The following CYP46A1 variants were observed in gnomAD, a reference collection of about 807,000 sequenced individuals.
The protein encoded by CYP46A1 is cholesterol 24-hydroxylase.
In CYP46A1, 20 loss-of-function variants were observed where a neutral mutation model predicts 63.3. The ratio of observed to expected loss-of-function variants is 0.32; its 90% CI spans 0.22 to 0.46. The LOEUF (loss-of-function observed/expected upper bound fraction) is 0.46. Among genes scored for constraint, CYP46A1 ranks in the 20% least tolerant of loss-of-function variants. The probability of loss-of-function intolerance (pLI) is 1.00; values close to 1 mark genes in which losing one functional copy is unlikely to be tolerated. For synonymous variants in CYP46A1, 268 were observed against 273.6 expected (o/e 0.98, Z 0.20); for missense variants, 445 against 670.8 (o/e 0.66, Z 3.72).
intron 12 of CYP46A1, among the ~76,000 whole-genome samples, chr14:99,724,321 G>A (rs1050849726): frequency 6.6e-6 from 1 of 152,114 alleles, no homozygotes; most frequent in East Asian, 1.9e-4. Flanking sequence ...CCTGCTCCCA[G>A]CCCCTCTCCT....
At chr14:99,695,293 T>C (rs1409481812) in intron 3 of CYP46A1, 4 of 206,206 alleles carry the variant, frequency 1.9e-5, no homozygotes, top group Non-Finnish European at 4.0e-5. Flanking sequence ...TTTAGAAATG[T>C]CGATTAGGTC....
intron 5 of CYP46A1, 88 bp downstream of exon 5, chr14:99,700,189 G>C: frequency 2.0e-6 from 2 of 1,022,366 alleles, no homozygotes; most frequent in Non-Finnish European, 2.8e-6. Flanking sequence ...GGAGGGAAGT[G>C]TCCACCCAAG....
Position 99,726,876 on chromosome 14 carries a change from T to A in CYP46A1, c.*149T>A. 1.6e-6 allele frequency: 1 copy of A among 606,192 alleles called. No individual in the cohort carries two copies. Among genetic ancestry groups the A allele is most frequent in the Non-Finnish European group, 2.7e-6 (1 of 373,586 alleles). The allele number at this position is 606,192 out of a possible 1,614,324, so 37.6% of individuals were successfully genotyped here. ...GCGGGCCCTCTGCCGACCGCCTGCT[T>A]CACACCCCTCAGCGCTCCCTGTCGC... On this transcript the variant is annotated 3_prime_UTR_variant, in exon 15 of 15. Coordinates refer to ENST00000261835, the MANE Select transcript of CYP46A1 (RefSeq NM_006668.2).
chr14:99,724,558 C>T (rs1486288608), intron 12 of CYP46A1, among the ~76,000 whole-genome samples: 2 of 152,248 alleles, frequency 1.3e-5, no homozygotes, highest in Non-Finnish European at 2.9e-5. Context: ...TGGGCTCCAA[C>T]CCCACCTCTG....
rs547198260 is a variant in CYP46A1 at position 99,721,231 on chromosome 14, C to T, written c.981-8C>T. The T allele has an allele frequency of 3.1e-6, 5 of 1,612,106 alleles. No individual in the cohort carries two copies. Among genetic ancestry groups the T allele is most frequent in the Non-Finnish European group, 4.2e-6 (5 of 1,178,240 alleles). Reference sequence around the variant, plus strand: ...TGGAGACGAACTTGTCTTTGTCTTACCCCACAGGCTGCAGGCCGAGGTGGA... The same window carrying T: ...TGGAGACGAACTTGTCTTTGTCTTATCCCACAGGCTGCAGGCCGAGGTGGA... On this transcript the variant is annotated splice_polypyrimidine_tract_variant and splice_region_variant and intron_variant, in intron 10 of 14. Coordinates refer to ENST00000261835, the MANE Select transcript of CYP46A1 (RefSeq NM_006668.2).
intron 8 of CYP46A1, 88 bp downstream of exon 8, chr14:99,716,048 T>G: frequency 6.2e-7 from 1 of 1,610,566 alleles, no homozygotes; most frequent in Non-Finnish European, 8.5e-7. Context: ...CTGTTTGGCT[T>G]AAGAGGAGAA....
chr14:99,714,994 G>T (rs2056775046), intron 7 of CYP46A1, among the ~76,000 whole-genome samples: 1 of 152,162 alleles, frequency 6.6e-6, no homozygotes, highest in Admixed American at 6.5e-5. Flanking sequence ...GTTACTAGAG[G>T]CTGGGAAGGA....
At chr14:99,715,748 G>A in intron 7 of CYP46A1, 62 bp from the exon 8 acceptor site, 1 of 1,606,274 alleles carries the variant, frequency 6.2e-7, no homozygotes, top group Non-Finnish European at 8.5e-7. Context: ...GGGGTGGTGG[G>A]GGAGAGGGGA....
Position 99,700,098 on chromosome 14 carries a change from G to A in CYP46A1, c.440G>A (p.Arg147Gln), listed in dbSNP as rs1224040095. 1.4e-5 allele frequency: 22 copies of A among 1,594,588 alleles called. No individual in the cohort carries two copies. The highest frequency in any genetic ancestry group is 3.3e-5 in the South Asian group (3 of 90,138). The change falls in exon 5 of 15, where the codon CGG becomes CAG. Residue 147 changes from arginine to glutamine, a missense_variant. Physicochemically the swap from Arg to Gln is conservative, Grantham distance 43 (BLOSUM62 1). Coordinates refer to ENST00000261835, the MANE Select transcript of CYP46A1 (RefSeq NM_006668.2). Reference sequence around the variant, plus strand: ...AGAGTCATAGACCTGGCCTTCAGCCGGAGGTGAGTGTGGCCGGAGGCTCCG... The same window carrying A: ...AGAGTCATAGACCTGGCCTTCAGCCAGAGGTGAGTGTGGCCGGAGGCTCCG... ...QRRVIDLAFSRSSLVSLMETF... is the reference protein window; with the variant it reads ...QRRVIDLAFSQSSLVSLMETF...
chr14:99,689,643 CAG>C (rs747395172), intron 1 of CYP46A1, among the ~76,000 whole-genome samples: 3 of 152,324 alleles, frequency 2.0e-5, no homozygotes, highest in East Asian at 3.9e-4. Flanking sequence ...GCCAAAAACA[CAG>C]AGTCATCCTC....
chr14:99,722,992 A>C lies in CYP46A1; in HGVS notation c.1176+926A>C, dbSNP rs1166269018. ...ACAAACGAACGCCACATTGTTTTCC[A>C]AAGTGGCTGCACCAACTTGGATGCC... is the stretch of plus-strand genomic sequence containing the variant. On this transcript the variant is annotated intron_variant, in intron 12 of 14. Transcript: ENST00000261835. This position sits in a 1 kb window ranked among gnomAD's most constrained non-coding sequence, Gnocchi z 4.6. The C allele has an allele frequency of 4.7e-6, 2 of 422,208 alleles. No homozygotes were observed. The highest frequency in any genetic ancestry group is 7.3e-5 in the East Asian group (1 of 13,720). 26.2% of individuals were successfully genotyped at this position (422,208 alleles called of 1,614,324 possible).
chr14:99,715,052 T>G (rs1215039650), intron 7 of CYP46A1, among the ~76,000 whole-genome samples: 1 of 151,976 alleles, frequency 6.6e-6, no homozygotes, highest in Non-Finnish European at 1.5e-5. Flanking sequence ...AAACATACAG[T>G]TATGTAGAAG....
At chr14:99,694,550 A>G (rs2056571667) in intron 3 of CYP46A1, among the ~76,000 whole-genome samples, 1 of 147,906 alleles carries the variant, frequency 6.8e-6, no homozygotes, top group Non-Finnish European at 1.5e-5. Flanking sequence ...CCTAGGCTGG[A>G]GTGCAGTGGC....
At chr14:99,688,545 C>T (rs985404574) in intron 1 of CYP46A1, among the ~76,000 whole-genome samples, 3 of 152,192 alleles carry the variant, frequency 2.0e-5, no homozygotes, top group Non-Finnish European at 2.9e-5. Flanking sequence ...AACCTGCCCC[C>T]TCTGCTCAGC....
chr14:99,691,851 A>G lies in CYP46A1; in HGVS notation c.272A>G (p.Glu91Gly). Reference protein sequence around the residue: ...HKTSVIVTSPESVKKFLMSTK... With the variant: ...HKTSVIVTSPGSVKKFLMSTK... ...ACCTCAGTCATCGTCACGAGTCCTG[A>G]GTCGGTTAAGGTAGGAGGAAGAGTG... Residue 91 changes from glutamate (E) to glycine (G), a missense_variant, in exon 3 of 15, where the codon GAG (glutamate) becomes GGG (glycine). Physicochemically the swap from Glu to Gly is moderately conservative, Grantham distance 98. This residue lies in a region of CYP46A1 where 252 missense variants were observed against 383.3 expected (regional missense o/e 0.66). Coordinates refer to ENST00000261835, the MANE Select transcript of CYP46A1 (RefSeq NM_006668.2). The G allele has an allele frequency of 6.2e-7, 1 of 1,614,114 alleles. No individual in the cohort carries two copies. The highest frequency in any genetic ancestry group is 1.1e-5 in the South Asian group (1 of 91,074).
Position 99,701,124 on chromosome 14 carries a change from T to C in CYP46A1, c.443+1023T>C, listed in dbSNP as rs1354389463. 3.9e-5 allele frequency among the ~76,000 whole-genome samples: 6 copies of C among 152,262 alleles called. No homozygotes were observed. In the South Asian group the frequency reaches 8.3e-4, roughly 21 times the overall value. On this transcript the variant is annotated intron_variant, in intron 5 of 14. Transcript: ENST00000261835. ...TTTAAGCTAAATGTTATTACAAGAG[T>C]CAAAAATATTTAAAAAATGAGAAGT...
At chr14:99,726,336 A>G in intron 14 of CYP46A1, 80 bp downstream of exon 14, 1 of 1,368,808 alleles carries the variant, frequency 7.3e-7, no homozygotes, top group Non-Finnish European at 1.0e-6. Flanking sequence ...AGCATCTCCG[A>G]ACCCCTGCTC....
intron 1 of CYP46A1, among the ~76,000 whole-genome samples, chr14:99,689,045 C>CT (rs928828127): frequency 5.9e-5 from 9 of 152,320 alleles, no homozygotes; most frequent in African/African-American, 2.2e-4. Context: ...GTCCTCTTCT[C>CT]TGTCTGTATC....
chr14:99,695,645 T>TA (rs1566827192), intron 3 of CYP46A1, among the ~76,000 whole-genome samples: 1 of 146,622 alleles, frequency 6.8e-6, no homozygotes, highest in South Asian at 2.2e-4. Context: ...TTATTATTAT[T>TA]TTGAGAAGCA....
Sources: gnomAD v4.1 joint callset for allele counts (sites outside exome capture counted in the v4.1 genomes callset) on GRCh38, gnomAD v4.1.1 for gene constraint, gnomAD v4.1.1 regional missense constraint, Gnocchi (gnomAD v3.1) non-coding constraint, MANE v1.5 for transcripts, NCBI Gene and HGNC (gene_info 2026-07-23, HGNC 2026-07-21) for gene names.